The following HCN1 variants were observed in gnomAD, a reference collection of about 807,000 sequenced individuals.
HCN1 encodes hyperpolarization activated cyclic nucleotide gated potassium channel 1.
HCN1 carries 13 observed loss-of-function variants against 78.9 expected under a neutral mutation model. The ratio of observed to expected loss-of-function variants is 0.16; its 90% CI spans 0.11 to 0.26. The LOEUF (loss-of-function observed/expected upper bound fraction) is 0.26. Ranked by LOEUF, HCN1 falls within the 10% of genes least tolerant of loss-of-function variation. HCN1 has a pLI of 1.00. For synonymous variants in HCN1, 552 were observed against 455.5 expected, an observed-to-expected ratio of 1.21 and a Z score of -2.70; for missense variants, 810 against 1,154.3, an observed-to-expected ratio of 0.70 and a Z score of 4.32.
chr5:45,553,695 T>C (rs1743419208), intron 2 of HCN1, among the ~76,000 whole-genome samples: 1 of 151,970 alleles, frequency 6.6e-6, no homozygotes, highest in Admixed American at 6.6e-5. Flanking sequence ...TATGTGCATC[T>C]GCCCATATAC....
At chr5:45,669,005 C>T (rs1746102235) in intron 1 of HCN1, among the ~76,000 whole-genome samples, 1 of 151,738 alleles carries the variant, frequency 6.6e-6, no homozygotes, top group African/African-American at 2.4e-5. Flanking sequence ...CTGAACTTCT[C>T]ATATTTAGTA....
intron 6 of HCN1, among the ~76,000 whole-genome samples, chr5:45,301,653 C>A (rs961533305): frequency 6.8e-6 from 1 of 147,266 alleles, no homozygotes. Flanking sequence ...GCCTGCAGAG[C>A]AAGGTTGCAG....
chr5:45,268,841 A>G (rs541058130), intron 6 of HCN1, among the ~76,000 whole-genome samples: 73 of 152,304 alleles, frequency 4.8e-4, no homozygotes, highest in Non-Finnish European at 1.0e-3. Flanking sequence ...TTTTAAAGCA[A>G]ATTACCATAC....
At chr5:45,334,760 A>G (rs1387420915) in intron 5 of HCN1, among the ~76,000 whole-genome samples, 1 of 151,984 alleles carries the variant, frequency 6.6e-6, no homozygotes, top group Non-Finnish European at 1.5e-5. Context: ...GCCAAATCAG[A>G]TCCTTTACAT....
Position 45,654,293 on chromosome 5 carries a change from C to T in HCN1, c.426-8685G>A, listed in dbSNP as rs149849662. On this transcript the variant is annotated intron_variant, in intron 1 of 7. Coordinates refer to ENST00000303230, the MANE Select transcript of HCN1 (RefSeq NM_021072.4). ...CTGTAGCATTCTATCTTTATAATGA[C>T]ATGTAGATTTTCCATTTAAAAAATC... Among the ~76,000 whole-genome samples the T allele has an allele frequency of 3.3e-3, 504 of 152,122 alleles. 1 individual carries two copies. Among genetic ancestry groups the T allele is most frequent in the Middle Eastern group, 6.8e-3 (2 of 294 alleles).
chr5:45,305,572 A>G (rs962933491), intron 5 of HCN1, among the ~76,000 whole-genome samples: 2 of 152,092 alleles, frequency 1.3e-5, no homozygotes, highest in African/African-American at 4.8e-5. Flanking sequence ...TGATAATTTT[A>G]GCTGATGCAT....
At chr5:45,691,680 A>G (rs1739915703) in intron 1 of HCN1, among the ~76,000 whole-genome samples, 1 of 152,194 alleles carries the variant, frequency 6.6e-6, no homozygotes, top group African/African-American at 2.4e-5. Context: ...AGATAACATA[A>G]CAGTAGGCTA....
intron 3 of HCN1, among the ~76,000 whole-genome samples, chr5:45,398,838 A>G (rs1484889852): frequency 6.6e-6 from 1 of 152,154 alleles, no homozygotes; most frequent in East Asian, 1.9e-4. Flanking sequence ...TTTAATTTGT[A>G]TTTCTAAGTT....
At chr5:45,592,236 A>C (rs953893398) in intron 2 of HCN1, among the ~76,000 whole-genome samples, 3 of 152,074 alleles carry the variant, frequency 2.0e-5, no homozygotes, top group African/African-American at 7.2e-5. Flanking sequence ...TTAGTCCTCT[A>C]ATCAATTGTT....
Position 45,262,747 on chromosome 5 carries a change from T to C in HCN1, c.1847A>G (p.Asn616Ser), listed in dbSNP as rs771707286. 2 of 1,614,190 alleles carry C rather than the reference T, an allele frequency of 1.2e-6. No individual in the cohort carries two copies. Among genetic ancestry groups the C allele is most frequent in the Non-Finnish European group, 1.7e-6 (2 of 1,180,040 alleles). ...QKDLNTGVFN[N>S]QENEILKQIV... ...CTGCTTGAGGATTTCGTTCTCCTGA[T>C]TGTTGAAAACACCAGTGTTCAGATC... The change falls in exon 8 of 8, where the codon AAT becomes AGT. Residue 616 changes from asparagine to serine, a missense_variant. Physicochemically the swap from Asn to Ser is conservative, Grantham distance 46. Coordinates refer to ENST00000303230, the MANE Select transcript of HCN1 (RefSeq NM_021072.4).
chr5:45,285,884 C>G (rs1022172847), intron 6 of HCN1, among the ~76,000 whole-genome samples: 6 of 151,924 alleles, frequency 3.9e-5, no homozygotes, highest in Non-Finnish European at 7.4e-5. Flanking sequence ...TCTGCAGCAC[C>G]TTATGATTAT....
intron 7 of HCN1, 124 bp downstream of exon 7, chr5:45,266,965 T>C (rs1744871272): frequency 5.9e-6 from 5 of 845,330 alleles, no homozygotes; most frequent in Non-Finnish European, 8.0e-6. Flanking sequence ...TGCCTTGGCC[T>C]CCCAAAGTGA....
At chr5:45,494,438 G>T (rs931082996) in intron 2 of HCN1, among the ~76,000 whole-genome samples, 22 of 151,926 alleles carry the variant, frequency 1.4e-4, no homozygotes, top group Admixed American at 6.6e-5. Flanking sequence ...CCCACTTTTT[G>T]ATGGGGTTGT....
chr5:45,312,063 C>T (rs1265163582), intron 5 of HCN1, among the ~76,000 whole-genome samples: 2 of 152,184 alleles, frequency 1.3e-5, no homozygotes, highest in East Asian at 1.9e-4. Flanking sequence ...TAAAAGATGA[C>T]ATGAGATAGA....
intron 4 of HCN1, among the ~76,000 whole-genome samples, chr5:45,395,119 T>C (rs1246210348): frequency 6.6e-6 from 1 of 152,098 alleles, no homozygotes; most frequent in African/African-American, 2.4e-5. Flanking sequence ...AGTTAAACAT[T>C]TGTTTTCTTA....
intron 5 of HCN1, among the ~76,000 whole-genome samples, chr5:45,315,886 G>C (rs1745977860): frequency 6.6e-6 from 1 of 152,110 alleles, no homozygotes; most frequent in African/African-American, 2.4e-5. Flanking sequence ...TCCCTGAATA[G>C]ACCAATAACA....
intron 4 of HCN1, among the ~76,000 whole-genome samples, chr5:45,360,207 T>A (rs1478759274): frequency 1.3e-5 from 2 of 151,786 alleles, no homozygotes; most frequent in Non-Finnish European, 2.9e-5. Flanking sequence ...GAAGAGGTAT[T>A]TTTCTTATAG....
At chr5:45,411,611 T>G (rs1740025968) in intron 3 of HCN1, among the ~76,000 whole-genome samples, 2 of 152,062 alleles carry the variant, frequency 1.3e-5, no homozygotes, top group African/African-American at 4.8e-5. Flanking sequence ...AAGGTTATTT[T>G]ACCTTTAGGA....
At chr5:45,651,836 G>A (rs982893366) in intron 1 of HCN1, among the ~76,000 whole-genome samples, 4 of 151,934 alleles carry the variant, frequency 2.6e-5, no homozygotes, top group Non-Finnish European at 4.4e-5. Flanking sequence ...TGGAGGGTGG[G>A]AAGGAAATAT....
Sources: allele counts gnomAD v4.1 joint callset (sites outside exome capture counted in the v4.1 genomes callset), GRCh38; gene constraint gnomAD v4.1.1; transcripts MANE v1.5; gene names NCBI Gene and HGNC (gene_info 2026-07-23, HGNC 2026-07-21).